The following LIPK variants were observed in gnomAD, a reference collection of about 807,000 sequenced individuals.
LIPK encodes lipase member K.
A neutral mutation model predicts 48.6 loss-of-function variants in LIPK; 32 were observed. That is an observed-to-expected ratio of 0.66 (90% CI 0.50 to 0.88). The LOEUF is 0.88. Among genes scored for constraint, LIPK ranks in the 40% least tolerant of loss-of-function variants. The pLI is 0.00. For synonymous variants in LIPK, 164 were observed against 157.4 expected (o/e 1.04, Z -0.32); for missense variants, 507 against 478.5 (o/e 1.06, Z -0.56).
chr10:88,735,721 G>A (rs1842558140), intron 6 of LIPK, among the ~76,000 whole-genome samples: 2 of 152,196 alleles, frequency 1.3e-5, no homozygotes, highest in Non-Finnish European at 1.5e-5. Context: ...GAAGGAGCCT[G>A]GCTCCCTGCT....
At chr10:88,708,488 A>G (rs531192893) in intron 1 of LIPK, among the ~76,000 whole-genome samples, 1 of 152,170 alleles carries the variant, frequency 6.6e-6, no homozygotes, top group East Asian at 1.9e-4. Flanking sequence ...AGTTGCTTAA[A>G]TATTATTTTT....
chr10:88,752,433 C>T, intron 9 of LIPK, 84 bp from the exon 10 acceptor site: 2 of 964,606 alleles, frequency 2.1e-6, no homozygotes, highest in Non-Finnish European at 3.1e-6. Flanking sequence ...ATTTAAAGAA[C>T]TTGCTCAACA....
At chr10:88,748,296 G>A (rs1272731438) in intron 9 of LIPK, among the ~76,000 whole-genome samples, 1 of 152,108 alleles carries the variant, frequency 6.6e-6, no homozygotes, top group Admixed American at 6.6e-5. Context: ...AGGGAACTTA[G>A]AGGATGAGTC....
intron 1 of LIPK, among the ~76,000 whole-genome samples, chr10:88,720,112 T>C (rs1048468968): frequency 1.7e-4 from 26 of 152,138 alleles, no homozygotes; most frequent in Non-Finnish European, 1.5e-5. Context: ...ATTTTGAGCA[T>C]GGGAAGAGGG....
At chr10:88,748,443 C>G (rs998046323) in intron 9 of LIPK, among the ~76,000 whole-genome samples, 2 of 151,906 alleles carry the variant, frequency 1.3e-5, no homozygotes, top group Admixed American at 1.3e-4. Flanking sequence ...ATGGTGAAAC[C>G]TCATCTCTAT....
chr10:88,713,757 A>G (rs1295259845), intron 1 of LIPK, among the ~76,000 whole-genome samples: 1 of 152,014 alleles, frequency 6.6e-6, no homozygotes, highest in Non-Finnish European at 1.5e-5. Flanking sequence ...CCTGGCCAAC[A>G]TGGTGAAACC....
At chr10:88,723,084 C>G (rs530301096) in intron 1 of LIPK, among the ~76,000 whole-genome samples, 1 of 151,848 alleles carries the variant, frequency 6.6e-6, no homozygotes, top group East Asian at 1.9e-4. Context: ...CAGGGTTTTC[C>G]GTGTTGCCCA....
intron 3 of LIPK, among the ~76,000 whole-genome samples, chr10:88,727,128 T>C (rs1447149533): frequency 6.6e-6 from 1 of 152,238 alleles, no homozygotes; most frequent in African/African-American, 2.4e-5. Context: ...CTTTTCTTCA[T>C]GACTTTGTCT....
At chr10:88,749,684 G>T (rs117294464) in intron 9 of LIPK, among the ~76,000 whole-genome samples, 1 of 93,872 alleles carries the variant, frequency 1.1e-5, no homozygotes, top group East Asian at 4.4e-4. Context: ...AGGAAATACC[G>T]TTCTGGACAT....
Position 88,732,475 on chromosome 10 carries a change from T to A in LIPK, c.593T>A (p.Leu198Gln). The A allele has an allele frequency of 6.2e-7, 1 of 1,613,754 alleles. No individual in the cohort carries two copies. Among genetic ancestry groups the A allele is most frequent in the South Asian group, 1.1e-5 (1 of 90,994 alleles). The part of the protein sequence containing the change: ...LAKKIKIFFA[L>Q]APVVTVKYTQ... ...AAAAAGATTAAGATATTTTTTGCAC[T>A]GGCTCCAGTTGTCACAGTTAAATAC... is the stretch of plus-strand genomic sequence containing the variant. The change falls in exon 6 of 10, where the codon CTG becomes CAG. Residue 198 changes from leucine to glutamine, a missense_variant. Transcript: ENST00000404190.
intron 1 of LIPK, among the ~76,000 whole-genome samples, chr10:88,708,362 T>C (rs1228000760): frequency 6.6e-6 from 1 of 152,148 alleles, no homozygotes; most frequent in Non-Finnish European, 1.5e-5. Flanking sequence ...TTATTCCCAG[T>C]GACCAAATAT....
At chr10:88,751,134 A>C (rs1317735855) in intron 9 of LIPK, among the ~76,000 whole-genome samples, 2 of 152,152 alleles carry the variant, frequency 1.3e-5, no homozygotes, top group African/African-American at 4.8e-5. Context: ...GTCATTCCCT[A>C]GCAAATAGTA....
chr10:88,745,652 C>T lies in LIPK; in HGVS notation c.960+2331C>T, dbSNP rs543981486. On this transcript the variant is annotated intron_variant, in intron 9 of 9. Transcript: ENST00000404190. ...GGAATGCTAAACATGGAAATAAAGA[C>T]TGGTACCAGATACTACAAAAGCACA... Among the ~76,000 whole-genome samples the T allele has an allele frequency of 5.3e-5, 8 of 152,260 alleles. No individual in the cohort carries two copies. In the South Asian group the frequency reaches 1.5e-3, roughly 28 times the overall value.
intron 8 of LIPK, among the ~76,000 whole-genome samples, chr10:88,742,719 A>C (rs1270064237): frequency 6.6e-6 from 1 of 152,124 alleles, no homozygotes; most frequent in African/African-American, 2.4e-5. Flanking sequence ...CATGTACCTT[A>C]CACAGAACTG....
chr10:88,727,016 T>C, intron 3 of LIPK, 104 bp downstream of exon 3: 1 of 707,378 alleles, frequency 1.4e-6, no homozygotes, highest in Non-Finnish European at 2.4e-6. Context: ...TAACAGTCCT[T>C]TCCATTAAAG....
chr10:88,734,703 G>A (rs1180119260), intron 6 of LIPK, among the ~76,000 whole-genome samples: 1 of 152,070 alleles, frequency 6.6e-6, no homozygotes, highest in Non-Finnish European at 1.5e-5. Context: ...TTGGACAAGA[G>A]TTGTGCACTG....
intron 7 of LIPK, 78 bp from the exon 8 acceptor site, chr10:88,739,918 T>G: frequency 2.3e-6 from 2 of 853,864 alleles, no homozygotes; most frequent in Non-Finnish European, 3.7e-6. Flanking sequence ...AAGAAGAAAC[T>G]TTTTAAATTT....
chr10:88,730,931 G>C, intron 3 of LIPK, 52 bp from the exon 4 acceptor site: 1 of 1,426,124 alleles, frequency 7.0e-7, no homozygotes, highest in Non-Finnish European at 9.4e-7. Flanking sequence ...GATTTTTCTT[G>C]TAGACACTGA....
intron 3 of LIPK, among the ~76,000 whole-genome samples, chr10:88,730,382 CG>C (rs1842439706): frequency 6.6e-6 from 1 of 151,746 alleles, no homozygotes; most frequent in Non-Finnish European, 1.5e-5. Flanking sequence ...CTCCGCCTCC[CG>C]GGTTCACGCC....
Sources: gnomAD v4.1 joint callset for allele counts (sites outside exome capture counted in the v4.1 genomes callset) on GRCh38, gnomAD v4.1.1 for gene constraint, MANE v1.5 for transcripts, NCBI Gene and HGNC (gene_info 2026-07-23, HGNC 2026-07-21) for gene names.